The following RPS17 variants were observed in gnomAD, a reference collection of about 807,000 sequenced individuals.
RPS17 encodes small ribosomal subunit protein eS17.
For missense variants in RPS17, 68 were observed against 182.3 expected (o/e 0.37, Z 3.61); for synonymous variants, 75 against 65.6 (o/e 1.14, Z -0.70).
At position 82,536,900 on chromosome 15, in the gene RPS17, T is replaced by TACTGGTGAGA; in HGVS notation, c.328-20_328-19insTCTCACCAGT. ...CGAAGTCCTGGAACGAGAAAATGGA[T>TACTGGTGAGA]TCAGTGAGCAGTTACTGGTGAGATC... On this transcript the variant is annotated intron_variant, in intron 4 of 4. Coordinates refer to ENST00000647841, the MANE Select transcript of RPS17 (RefSeq NM_001021.6). 1 of 1,613,864 alleles carries TACTGGTGAGA rather than the reference T, an allele frequency of 6.2e-7. No homozygotes were observed. The highest frequency in any genetic ancestry group is 8.5e-7 in the Non-Finnish European group (1 of 1,179,812).
chr15:82,539,115 T>C, intron 2 of RPS17, 130 bp from the exon 3 acceptor site: 1 of 891,036 alleles, frequency 1.1e-6, no homozygotes, highest in Non-Finnish European at 1.9e-6. Flanking sequence ...GGACTCACTA[T>C]CCTGGGACCT....
chr15:82,537,069 CACCTG>C (rs2034252592), intron 4 of RPS17, 188 bp from the exon 5 acceptor site: 1 of 687,674 alleles, frequency 1.5e-6, no homozygotes, highest in African/African-American at 1.8e-5. Context: ...CTTCAACACA[CACCTG>C]ACCATGTGGT....
In RPS17 at chr15:82,538,841, TGAG is replaced by T. The variant is rs1250058816; in HGVS notation, c.261+36_261+38del. ...GCCAAGAACCCATAGCTTTATCATT[TGAG>T]GATTAGCCAGAAGCCCAAATATCCA... On this transcript the variant is annotated intron_variant, in intron 3 of 4. Transcript: ENST00000647841. 3.1e-6 allele frequency: 5 copies of T among 1,601,180 alleles called. No individual in the cohort carries two copies. In the African/African-American group the frequency reaches 5.4e-5, roughly 17 times the overall value.
At chr15:82,537,432 T>C (rs2034260586) in intron 4 of RPS17, 2 of 267,532 alleles carry the variant, frequency 7.5e-6, no homozygotes, top group East Asian at 9.7e-5. Flanking sequence ...CTATTACTAA[T>C]CTAATCAACA....
chr15:82,540,272 C>G, intron 1 of RPS17, 140 bp from the exon 2 acceptor site: 3 of 1,599,654 alleles, frequency 1.9e-6, no homozygotes, highest in Non-Finnish European at 1.7e-6. Flanking sequence ...TGCCGGGCGC[C>G]GGGCTTAATG....
intron 3 of RPS17, 90 bp from the exon 4 acceptor site, chr15:82,538,461 GAA>G (rs2034278395): frequency 1.0e-5 from 14 of 1,402,790 alleles, no homozygotes; most frequent in Non-Finnish European, 1.3e-5. Flanking sequence ...TAAATATGGG[GAA>G]GAGGAGCTGC....
rs2034289402 is a variant in RPS17 at position 82,538,970 on chromosome 15, C to G, written c.171G>C (p.Leu57=). The change falls in exon 3 of 5, where the codon CTG becomes CTC. Residue 57 remains leucine, a synonymous_variant. Coordinates refer to ENST00000647841, the MANE Select transcript of RPS17 (RefSeq NM_001021.6). ...CTGGGCCTCTCTGAATTCGCTTCATCAGATGCGTGACATAACTACAAAGCA... is the reference window on the plus strand; with the variant it reads ...CTGGGCCTCTCTGAATTCGCTTCATGAGATGCGTGACATAACTACAAAGCA... ...RNKIAGYVTH[L]MKRIQRGPVR... The G allele has an allele frequency of 1.2e-6, 2 of 1,613,854 alleles. No individual in the cohort carries two copies. The highest frequency in any genetic ancestry group is 2.7e-5 in the African/African-American group (2 of 74,920).
Position 82,539,999 on chromosome 15 carries a change from A to G in RPS17, c.137T>C (p.Leu46Pro). The G allele has an allele frequency of 1.9e-6, 3 of 1,612,074 alleles. No individual in the cohort carries two copies. Among genetic ancestry groups the G allele is most frequent in the Non-Finnish European group, 2.5e-6 (3 of 1,179,870 alleles). Residue 46 changes from leucine to proline, a missense_variant, in exon 2 of 5, where the codon CTC (leucine) becomes CCC (proline). Transcript: ENST00000647841. ...EEIAIIPSKK[L>P]RNKIAGYVTH... ...GACTCACCCTGCTATCTTGTTGCGG[A>G]GCTTTTTGCTGGGGATAATGGCGAT...
rs2034320602 is a variant in RPS17 at position 82,540,102 on chromosome 15, C to T, written c.34G>A (p.Ala12Thr). The change falls in exon 2 of 5, where the codon GCG (alanine) becomes ACG (threonine). Residue 12 changes from alanine (A) to threonine (T), a missense_variant. Ala to Thr is a moderately conservative substitution (Grantham distance 58, BLOSUM62 0). Transcript: ENST00000647841. ...TACTTTTCTATGATGACCCGGGCCG[C>T]CTTCTTCACGGTTTTGGTGCGAACG... Reference protein sequence around the residue: ...GRVRTKTVKKAARVIIEKYYT... With the variant: ...GRVRTKTVKKTARVIIEKYYT... 6.2e-7 allele frequency: 1 copy of T among 1,613,624 alleles called. No homozygotes were observed. The highest frequency in any genetic ancestry group is 8.5e-7 in the Non-Finnish European group (1 of 1,179,878).
intron 4 of RPS17, 35 bp from the exon 5 acceptor site, chr15:82,536,916 T>C: frequency 6.2e-7 from 1 of 1,612,774 alleles, no homozygotes; most frequent in Non-Finnish European, 8.5e-7. Flanking sequence ...GAGCAGTTAC[T>C]GGTGAGATCT....
intron 3 of RPS17, 100 bp from the exon 4 acceptor site, chr15:82,538,471 T>C: frequency 7.7e-7 from 1 of 1,294,152 alleles, no homozygotes; most frequent in South Asian, 1.2e-5. Context: ...GAAGAGGAGC[T>C]GCACAAGGAT....
intron 2 of RPS17, chr15:82,539,227 T>TCCCCCCCCCCCCCCC: frequency 8.3e-6 from 5 of 606,016 alleles, no homozygotes; most frequent in African/African-American, 2.0e-5. Context: ...CACCCCCAAC[T>TCCCCCCCCCCCCCCC]CGCCCCGCCC....
At chr15:82,537,059 C>T in intron 4 of RPS17, 178 bp from the exon 5 acceptor site, 1 of 708,138 alleles carries the variant, frequency 1.4e-6, no homozygotes, top group Non-Finnish European at 2.6e-6. Context: ...AGTGATCTTC[C>T]TTCAACACAC....
intron 4 of RPS17, chr15:82,537,397 T>C (rs2034259792): frequency 3.8e-6 from 1 of 265,512 alleles, no homozygotes; most frequent in Non-Finnish European, 7.3e-6. Flanking sequence ...GCCACTTGCT[T>C]TCCAGGACCA....
intron 3 of RPS17, 73 bp from the exon 4 acceptor site, chr15:82,538,444 A>G (rs2034278212): frequency 3.3e-6 from 5 of 1,531,116 alleles, no homozygotes; most frequent in Non-Finnish European, 4.5e-6. Context: ...TCCTCTCCCC[A>G]GGTTCTTAAA....
intron 2 of RPS17, chr15:82,539,357 T>C (rs1469555426): frequency 2.1e-6 from 1 of 471,802 alleles, no homozygotes; most frequent in South Asian, 1.5e-5. Context: ...CCTATAAATC[T>C]CTCGAACAGT....
chr15:82,538,235 C>G, intron 4 of RPS17, 71 bp downstream of exon 4: 3 of 1,561,736 alleles, frequency 1.9e-6, no homozygotes, highest in Non-Finnish European at 1.8e-6. Context: ...GCTGGGTGAC[C>G]TTGGATAATA....
In RPS17 at chr15:82,538,916, C is replaced by T. The variant is rs1182086788; in HGVS notation, c.225G>A (p.Glu75=). The change falls in exon 3 of 5, where the codon GAG becomes GAA. Residue 75 remains glutamate, a synonymous_variant. Coordinates refer to ENST00000647841, the MANE Select transcript of RPS17 (RefSeq NM_001021.6). ...AATTGTCTCTCCTTTCTCTCTCCTC[C>T]TCCTGCAGCTTGATGGAGATACCTC... is the stretch of plus-strand genomic sequence containing the variant. ...PVRGISIKLQ[E]EERERRDNYV... is the part of the protein sequence containing the mutation. 1 of 1,613,970 alleles carries T rather than the reference C, an allele frequency of 6.2e-7. No individual in the cohort carries two copies. Among genetic ancestry groups the T allele is most frequent in the East Asian group, 2.2e-5 (1 of 44,876 alleles).
At chr15:82,539,011 A>T in intron 2 of RPS17, 26 bp from the exon 3 acceptor site, 2 of 1,610,618 alleles carry the variant, frequency 1.2e-6, no homozygotes, top group Non-Finnish European at 1.7e-6. Flanking sequence ...AGCCAAAGAG[A>T]ACAGTGAGAA....
Sources: gnomAD v4.1 joint callset for allele counts on GRCh38, gnomAD v4.1.1 for gene constraint, MANE v1.5 for transcripts, NCBI Gene and HGNC (gene_info 2026-07-23, HGNC 2026-07-21) for gene names.